Variants in FAM200B observed in about 807,000 individuals in gnomAD.
FAM200B encodes the protein zinc finger BED-type containing 11, also known as protein FAM200B.
Under a neutral mutation model 33.1 loss-of-function variants are expected in FAM200B, and 32 were observed. That is an observed-to-expected ratio of 0.97 (90% CI 0.73 to 1.30). The LOEUF is 1.30. Ranked by LOEUF, FAM200B falls within the 50% of genes most tolerant of loss-of-function variation. The pLI, the probability that FAM200B is intolerant of heterozygous loss-of-function variation, is 0.00. For missense variants in FAM200B, 741 were observed against 754.0 expected (o/e 0.98, Z 0.20); for synonymous variants, 240 against 264.8 (o/e 0.91, Z 0.91).
the FAM200B span, among the ~76,000 whole-genome samples, chr4:15,638,905 C>T: frequency 6.6e-6 from 1 of 152,168 alleles, no homozygotes; most frequent in East Asian, 1.9e-4. Context: ...TGGCTAACAC[C>T]TGTAATCCCA....
chr4:15,645,247 T>C, the FAM200B span, among the ~76,000 whole-genome samples: 24 of 152,222 alleles, frequency 1.6e-4, no homozygotes, highest in African/African-American at 4.6e-4. Context: ...ACAGATGACA[T>C]AGAAGCTCCT....
chr4:15,653,173 G>A, the FAM200B span, among the ~76,000 whole-genome samples: 6 of 152,006 alleles, frequency 3.9e-5, no homozygotes, highest in South Asian at 1.0e-3. Context: ...CGTGATAAAC[G>A]TATACAACAA....
In FAM200B at chr4:15,687,357, A is replaced by G; in HGVS notation, c.380A>G (p.Lys127Arg). Residue 127 changes from lysine to arginine, a missense_variant, in exon 2 of 2, where the codon AAA (lysine) becomes AGA (arginine). Coordinates refer to ENST00000422728, the MANE Select transcript of FAM200B (RefSeq NM_001145191.2). The part of the protein sequence containing the change: ...KPLEYFQRKK[K>R]DIKLSTQFLS... ...CTTGAATATTTTCAAAGAAAGAAAA[A>G]AGACATAAAGTTATCAACACAATTT... 1 of 1,545,492 alleles carries G rather than the reference A, an allele frequency of 6.5e-7. No homozygotes were observed. Among genetic ancestry groups the G allele is most frequent in the African/African-American group, 1.4e-5 (1 of 72,734 alleles).
At chr4:15,658,419 A>T in the FAM200B span, among the ~76,000 whole-genome samples, 2 of 152,364 alleles carry the variant, frequency 1.3e-5, no homozygotes, top group East Asian at 3.9e-4. Flanking sequence ...CAGTATTAAG[A>T]AGTGGGGCCT....
the FAM200B span, among the ~76,000 whole-genome samples, chr4:15,651,299 G>A: frequency 5.9e-5 from 9 of 152,148 alleles, no homozygotes; most frequent in South Asian, 2.1e-4. Flanking sequence ...ATGGGCTTCC[G>A]AAGGGGAAAA....
the FAM200B span, among the ~76,000 whole-genome samples, chr4:15,662,452 C>T: frequency 6.6e-6 from 1 of 152,142 alleles, no homozygotes; most frequent in African/African-American, 2.4e-5. Context: ...GTGTAATAGG[C>T]TTTCACAGTA....
In FAM200B at chr4:15,687,426, C is replaced by A; in HGVS notation, c.449C>A (p.Ser150Ter). ...TAVSEKALLS[S>*]YLVAYRVAKE... ...GTTAGTGAGAAAGCCTTATTATCATCATATTTAGTTGCATATCGTGTGGCA... is the reference window on the plus strand; with the variant it reads ...GTTAGTGAGAAAGCCTTATTATCATAATATTTAGTTGCATATCGTGTGGCA... Residue 150 changes from serine to a stop codon, truncating the protein, a stop_gained, in exon 2 of 2, where the codon TCA becomes TAA. Transcript: ENST00000422728. LOFTEE classifies it high-confidence loss of function. 1 of 1,550,204 alleles carries A rather than the reference C, an allele frequency of 6.5e-7. No homozygotes were observed. Among genetic ancestry groups the A allele is most frequent in the Non-Finnish European group, 8.7e-7 (1 of 1,145,992 alleles).
Position 15,687,356 on chromosome 4 carries a change from A to G in FAM200B, c.379A>G (p.Lys127Glu). Reference sequence around the variant, plus strand: ...TCTTGAATATTTTCAAAGAAAGAAAAAAGACATAAAGTTATCAACACAATT... The same window carrying G: ...TCTTGAATATTTTCAAAGAAAGAAAGAAGACATAAAGTTATCAACACAATT... Reference protein sequence around the residue: ...KPLEYFQRKKKDIKLSTQFLS... With the variant: ...KPLEYFQRKKEDIKLSTQFLS... The change falls in exon 2 of 2, where the codon AAA (lysine) becomes GAA (glutamate). Residue 127 changes from lysine to glutamate, a missense_variant. Physicochemically the swap from Lys to Glu is moderately conservative, Grantham distance 56 (BLOSUM62 1). Coordinates refer to ENST00000422728, the MANE Select transcript of FAM200B (RefSeq NM_001145191.2). 6.5e-7 allele frequency: 1 copy of G among 1,545,302 alleles called. No individual in the cohort carries two copies. The highest frequency in any genetic ancestry group is 8.7e-7 in the Non-Finnish European group (1 of 1,144,072).
the FAM200B span, among the ~76,000 whole-genome samples, chr4:15,654,970 A>G: frequency 1.3e-5 from 2 of 151,390 alleles, no homozygotes; most frequent in East Asian, 3.9e-4. Flanking sequence ...TCGGCAGGGG[A>G]CGCCGCCCGC....
chr4:15,660,568 C>G, the FAM200B span, among the ~76,000 whole-genome samples: 4 of 152,232 alleles, frequency 2.6e-5, no homozygotes, highest in Non-Finnish European at 5.9e-5. Flanking sequence ...AATCCCACTT[C>G]TCACTACCTA....
At chr4:15,681,346 C>A, upstream of FAM200B, 1 of 162,464 alleles carries the variant, frequency 6.2e-6, no homozygotes. Context: ...GGGCCGGGAG[C>A]GCTTACCCCG....
the FAM200B span, among the ~76,000 whole-genome samples, chr4:15,666,304 T>G: frequency 6.6e-6 from 1 of 150,676 alleles, no homozygotes; most frequent in Non-Finnish European, 1.5e-5. Flanking sequence ...GAGGCTGAGG[T>G]GGGAAGATTG....
upstream of FAM200B, among the ~76,000 whole-genome samples, chr4:15,680,474 C>T (rs938894611): frequency 2.0e-5 from 3 of 152,002 alleles, no homozygotes; most frequent in Admixed American, 6.6e-5. Context: ...AGTTCGAGAC[C>T]AGCCTGGCCA....
chr4:15,667,325 T>C, the FAM200B span, among the ~76,000 whole-genome samples: 843 of 152,252 alleles, frequency 5.5e-3, 7 homozygotes, highest in African/African-American at 0.019. Context: ...TTTGTTAAAA[T>C]TGAAGTTTTA....
At chr4:15,684,221 T>C (rs1159615969) in intron 1 of FAM200B, among the ~76,000 whole-genome samples, 1 of 152,188 alleles carries the variant, frequency 6.6e-6, no homozygotes, top group Non-Finnish European at 1.5e-5. Flanking sequence ...ATCACACTGG[T>C]GTACTTGATC....
chr4:15,641,564 C>T, the FAM200B span: 10 of 455,066 alleles, frequency 2.2e-5, no homozygotes, highest in Middle Eastern at 2.9e-3. Flanking sequence ...ACATATAATA[C>T]ATGAAATAAT....
At chr4:15,684,795 A>G (rs1318037538) in intron 1 of FAM200B, 4 of 152,222 alleles carry the variant, frequency 2.6e-5, no homozygotes, top group African/African-American at 4.8e-5. Flanking sequence ...TAGTCCTGCT[A>G]ATGTCCTCGA....
chr4:15,644,503 T>C, the FAM200B span: 2 of 1,611,086 alleles, frequency 1.2e-6, no homozygotes, highest in African/African-American at 2.7e-5. Context: ...CTTAACATTC[T>C]TCAGTCCCTT....
Position 15,688,266 on chromosome 4 carries a change from C to A in FAM200B, c.1289C>A (p.Ala430Glu), listed in dbSNP as rs1553860561. The A allele has an allele frequency of 6.5e-7, 1 of 1,546,918 alleles. No individual in the cohort carries two copies. The stretch of plus-strand genomic sequence containing the variant: ...GATGATACTTGGGTAACAAAATTGG[C>A]ATATTTAACTGATATTTTTAGCATT... Reference protein sequence around the residue: ...FEDDTWVTKLAYLTDIFSILN... With the variant: ...FEDDTWVTKLEYLTDIFSILN... Residue 430 changes from alanine (A) to glutamate (E), a missense_variant, in exon 2 of 2, where the codon GCA becomes GAA. Transcript: ENST00000422728.
Sources: gnomAD v4.1 joint callset for allele counts (sites outside exome capture counted in the v4.1 genomes callset) on GRCh38, gnomAD v4.1.1 for gene constraint, MANE v1.5 for transcripts, NCBI Gene and HGNC (gene_info 2026-07-23, HGNC 2026-07-21) for gene names.